CTNND2: variants seen among roughly 807,000 people sequenced by gnomAD.
CTNND2 encodes the protein catenin delta-2.
Under a neutral mutation model 144.4 loss-of-function variants are expected in CTNND2, and 22 were observed. The ratio of observed to expected loss-of-function variants is 0.15; its 90% CI spans 0.11 to 0.22. CTNND2 has a LOEUF of 0.22. CTNND2 is among the 10% of genes least tolerant of loss of function. The pLI is 1.00. For missense variants in CTNND2, 1,353 were observed against 1,618.8 expected (o/e 0.84, Z 2.82); for synonymous variants, 751 against 695.6 (o/e 1.08, Z -1.25).
chr5:11,533,535 C>T (rs31790), intron 3 of CTNND2, among the ~76,000 whole-genome samples: 4,155 of 152,278 alleles, frequency 0.027, 54 homozygotes, highest in African/African-American at 0.045. Context: ...AGCCAGCAGA[C>T]GTGGGGTAGC....
intron 3 of CTNND2, among the ~76,000 whole-genome samples, chr5:11,491,945 T>A (rs925936199): frequency 6.6e-6 from 1 of 152,200 alleles, no homozygotes; most frequent in African/African-American, 2.4e-5. Flanking sequence ...ATTTCATGCA[T>A]GAAAACTTGC....
intron 12 of CTNND2, among the ~76,000 whole-genome samples, chr5:11,143,567 T>A (rs1042860227): frequency 2.6e-5 from 4 of 152,242 alleles, no homozygotes; most frequent in African/African-American, 9.6e-5. Context: ...ATTTTTGTAA[T>A]GATCAGTCAC....
chr5:11,481,158 G>T (rs1357517367), intron 3 of CTNND2, among the ~76,000 whole-genome samples: 1 of 152,108 alleles, frequency 6.6e-6, no homozygotes, highest in Non-Finnish European at 1.5e-5. Flanking sequence ...TAACAAAAAG[G>T]TGCACAATAA....
At chr5:11,434,944 T>C (rs1763624916) in intron 3 of CTNND2, among the ~76,000 whole-genome samples, 2 of 152,154 alleles carry the variant, frequency 1.3e-5, no homozygotes, top group East Asian at 3.9e-4. Context: ...TGCACAAGTG[T>C]AACATACACA....
chr5:11,785,781 C>A (rs949477034), intron 1 of CTNND2, among the ~76,000 whole-genome samples: 1 of 152,224 alleles, frequency 6.6e-6, no homozygotes, highest in Non-Finnish European at 1.5e-5. Context: ...TTTCCTCCCC[C>A]ACTTTTCTCC....
chr5:11,079,332 C>G (rs1004034692), intron 16 of CTNND2, among the ~76,000 whole-genome samples: 1 of 152,208 alleles, frequency 6.6e-6, no homozygotes, highest in Admixed American at 6.5e-5. Context: ...CTACTGACTT[C>G]TGTTCCCTGC....
chr5:11,859,310 C>CTATGCCAAAATTTA (rs1453282230), intron 1 of CTNND2, among the ~76,000 whole-genome samples: 28 of 152,272 alleles, frequency 1.8e-4, no homozygotes, highest in African/African-American at 5.1e-4. Flanking sequence ...GCACTATCAC[C>CTATGCCAAAATTTA]ACAGGTGTTA....
intron 2 of CTNND2, among the ~76,000 whole-genome samples, chr5:11,715,971 A>G (rs1426948278): frequency 2.0e-5 from 3 of 152,200 alleles, no homozygotes; most frequent in East Asian, 3.9e-4. Context: ...CAAACTCTCT[A>G]TCGTAGACAA....
At chr5:11,766,431 A>G (rs1304907917) in intron 1 of CTNND2, among the ~76,000 whole-genome samples, 3 of 152,168 alleles carry the variant, frequency 2.0e-5, no homozygotes, top group Non-Finnish European at 2.9e-5. Context: ...TCTTGAATGA[A>G]TAAGTCTCAC....
intron 2 of CTNND2, among the ~76,000 whole-genome samples, chr5:11,608,845 G>T (rs77171825): frequency 0.033 from 5,087 of 152,188 alleles, 269 homozygotes; most frequent in African/African-American, 0.12. Flanking sequence ...ATCATCATCA[G>T]CAGCAGCAGC....
rs570565847 is a variant in CTNND2, at chr5:11,159,555, C to T, written c.2159+21G>A. The T allele has an allele frequency of 7.6e-6, 12 of 1,573,404 alleles. No individual in the cohort carries two copies. The South Asian group carries it at 1.3e-4, about 17-fold the overall frequency. Reference sequence around the variant, plus strand: ...GCCAGGGGAAGATGGTGGGAGGAGGCACTCGTGACACAGGACTGACCTTAG... The same window carrying T: ...GCCAGGGGAAGATGGTGGGAGGAGGTACTCGTGACACAGGACTGACCTTAG... On this transcript the variant is annotated intron_variant, in intron 12 of 21. Transcript: ENST00000304623.
intron 3 of CTNND2, among the ~76,000 whole-genome samples, chr5:11,489,577 T>C (rs1206067004): frequency 6.6e-6 from 1 of 152,172 alleles, no homozygotes; most frequent in African/African-American, 2.4e-5. Context: ...TTTTACTTCC[T>C]TGGAGTGAAA....
At chr5:11,005,442 C>T (rs746777987) in intron 18 of CTNND2, among the ~76,000 whole-genome samples, 15 of 152,074 alleles carry the variant, frequency 9.9e-5, no homozygotes, top group Admixed American at 5.2e-4. Flanking sequence ...AAGATGGTAA[C>T]GTTGATTCCA....
In CTNND2 at chr5:11,472,222, T is replaced by A. The variant is rs201683296; in HGVS notation, c.288-60153A>T. On this transcript the variant is annotated intron_variant, in intron 3 of 21. Coordinates refer to ENST00000304623, the MANE Select transcript of CTNND2 (RefSeq NM_001332.4). ...ACACTTAATAGAATCTCAACTGTTG[T>A]AAATTCTTCTTTTATAGCCAATGAG... Among the ~76,000 whole-genome samples, 21 of 152,348 alleles carry A rather than the reference T, an allele frequency of 1.4e-4. No homozygotes were observed. The East Asian group carries it at 4.0e-3, about 29-fold the overall frequency.
chr5:11,449,653 T>C (rs1198804004), intron 3 of CTNND2, among the ~76,000 whole-genome samples: 1 of 152,254 alleles, frequency 6.6e-6, no homozygotes, highest in Admixed American at 6.5e-5. Context: ...TAATTACTTG[T>C]ATTCATTTCT....
At chr5:11,261,337 TC>T (rs1208352080) in intron 9 of CTNND2, among the ~76,000 whole-genome samples, 1 of 152,170 alleles carries the variant, frequency 6.6e-6, no homozygotes, top group Non-Finnish European at 1.5e-5. Flanking sequence ...TTCTGGGAGT[TC>T]CTTCCTCCAG....
chr5:11,312,812 C>A (rs1751132485), intron 9 of CTNND2, among the ~76,000 whole-genome samples: 2 of 152,238 alleles, frequency 1.3e-5, no homozygotes, highest in South Asian at 4.1e-4. Context: ...CGTCCCTGGA[C>A]AACTTGTCCT....
chr5:11,336,849 AAC>A (rs149179632), intron 9 of CTNND2, among the ~76,000 whole-genome samples: 72 of 150,250 alleles, frequency 4.8e-4, no homozygotes, highest in African/African-American at 1.2e-3. Context: ...ATATGGCACA[AAC>A]ACACACACAC....
intron 1 of CTNND2, among the ~76,000 whole-genome samples, chr5:11,811,938 C>T (rs1462891203): frequency 1.3e-5 from 2 of 152,064 alleles, no homozygotes; most frequent in Non-Finnish European, 2.9e-5. Context: ...TTTAAAAAAT[C>T]ATTATTAAAA....
Sources: allele counts gnomAD v4.1 joint callset (sites outside exome capture counted in the v4.1 genomes callset), GRCh38; gene constraint gnomAD v4.1.1; transcripts MANE v1.5; gene names NCBI Gene and HGNC (gene_info 2026-07-23, HGNC 2026-07-21).